Variants in ERBB4 observed in about 807,000 individuals in gnomAD.
The protein encoded by ERBB4 is erb-b2 receptor tyrosine kinase 4, also known as receptor tyrosine-protein kinase erbB-4.
In ERBB4, 42 loss-of-function variants were observed where a neutral mutation model predicts 158.0. The ratio of observed to expected loss-of-function variants is 0.27; its 90% CI spans 0.21 to 0.34. The LOEUF (loss-of-function observed/expected upper bound fraction) is 0.34. ERBB4 is among the 10% of genes least tolerant of loss of function. ERBB4 has a pLI of 1.00. For missense variants in ERBB4, 1,333 were observed against 1,624.1 expected (o/e 0.82, Z 3.08); for synonymous variants, 583 against 558.7 (o/e 1.04, Z -0.61).
intron 1 of ERBB4, among the ~76,000 whole-genome samples, chr2:212,378,887 C>T (rs1574809285): frequency 6.6e-6 from 1 of 151,778 alleles, no homozygotes; most frequent in Non-Finnish European, 1.5e-5. Context: ...CTATTTAAAA[C>T]TGATGATTTT....
chr2:212,078,318 G>A (rs1407328129), intron 2 of ERBB4, among the ~76,000 whole-genome samples: 1 of 151,728 alleles, frequency 6.6e-6, no homozygotes, highest in African/African-American at 2.4e-5. Context: ...TAGTTTCAGA[G>A]ACTTTACGTA....
At chr2:211,706,440 G>A (rs1161697494) in intron 9 of ERBB4, among the ~76,000 whole-genome samples, 1 of 152,036 alleles carries the variant, frequency 6.6e-6, no homozygotes, top group African/African-American at 2.4e-5. Flanking sequence ...CTGGGGATTT[G>A]TGTCTGAATC....
intron 4 of ERBB4, among the ~76,000 whole-genome samples, chr2:211,773,620 AT>A (rs1191914195): frequency 1.7e-5 from 1 of 60,586 alleles, no homozygotes; most frequent in Admixed American, 1.4e-4. Context: ...ATATATATAT[AT>A]ATATATATAT....
intron 20 of ERBB4, among the ~76,000 whole-genome samples, chr2:211,555,563 A>G (rs2067215797): frequency 6.6e-6 from 1 of 152,230 alleles, no homozygotes; most frequent in African/African-American, 2.4e-5. Flanking sequence ...TTACAATACA[A>G]ATGAAAATAT....
intron 1 of ERBB4, among the ~76,000 whole-genome samples, chr2:212,499,499 T>C (rs1374493477): frequency 6.6e-6 from 1 of 152,084 alleles, no homozygotes; most frequent in Non-Finnish European, 1.5e-5. Context: ...AATAATTATT[T>C]AGAGACATGA....
In ERBB4 at chr2:212,313,452, G is replaced by GTA. The variant is rs541702078; in HGVS notation, c.83-188551_83-188550dup. ...CATGCCAAGTGTACAACTAATTCTG[G>GTA]TATATATATATAACTAACTCCAGTA... is the stretch of plus-strand genomic sequence containing the variant. On this transcript the variant is annotated intron_variant, in intron 1 of 27. Transcript: ENST00000342788. Among the ~76,000 whole-genome samples the GTA allele has an allele frequency of 2.1e-3, 318 of 150,324 alleles. 3 individuals are homozygous for GTA. The highest frequency in any genetic ancestry group is 6.2e-3 in the African/African-American group (254 of 41,190).
At chr2:211,755,332 C>T (rs1382668351) in intron 4 of ERBB4, among the ~76,000 whole-genome samples, 2 of 151,962 alleles carry the variant, frequency 1.3e-5, no homozygotes, top group African/African-American at 4.8e-5. Flanking sequence ...CAAAACCCGG[C>T]CTCTACAAAA....
At chr2:211,486,427 T>C (rs1289617533) in intron 20 of ERBB4, among the ~76,000 whole-genome samples, 1 of 152,152 alleles carries the variant, frequency 6.6e-6, no homozygotes, top group Non-Finnish European at 1.5e-5. Context: ...CTTAAAGTCA[T>C]GGTAAATATT....
intron 3 of ERBB4, among the ~76,000 whole-genome samples, chr2:211,936,229 T>TA (rs34640943): frequency 2.0e-3 from 301 of 147,998 alleles, no homozygotes; most frequent in African/African-American, 6.8e-3. Context: ...GACCGCCACT[T>TA]AAAAAAAAAA....
chr2:212,525,506 T>C (rs531052995), intron 1 of ERBB4, among the ~76,000 whole-genome samples: 1 of 152,090 alleles, frequency 6.6e-6, no homozygotes, highest in South Asian at 2.1e-4. Context: ...GATATATAAA[T>C]AACATTACAA....
At chr2:212,076,686 T>C (rs553762547) in intron 2 of ERBB4, among the ~76,000 whole-genome samples, 8 of 151,864 alleles carry the variant, frequency 5.3e-5, no homozygotes, top group African/African-American at 1.9e-4. Flanking sequence ...AGGAGTGAGG[T>C]CAAGAGTCAG....
intron 1 of ERBB4, among the ~76,000 whole-genome samples, chr2:212,520,029 T>C (rs911880192): frequency 3.3e-5 from 5 of 152,014 alleles, no homozygotes; most frequent in African/African-American, 9.6e-5. Flanking sequence ...CTGTATCCCA[T>C]AAATATGGAC....
intron 1 of ERBB4, among the ~76,000 whole-genome samples, chr2:212,147,654 A>G (rs945885711): frequency 1.3e-5 from 2 of 152,204 alleles, no homozygotes; most frequent in African/African-American, 4.8e-5. Context: ...AGAATTGAAT[A>G]AATTGAGGAT....
intron 1 of ERBB4, among the ~76,000 whole-genome samples, chr2:212,182,136 C>A (rs140889719): frequency 5.9e-5 from 9 of 151,820 alleles, no homozygotes; most frequent in Non-Finnish European, 1.0e-4. Flanking sequence ...TCACTACATG[C>A]CAGGAATGTT....
At chr2:212,190,364 G>A (rs563771342) in intron 1 of ERBB4, among the ~76,000 whole-genome samples, 5 of 152,128 alleles carry the variant, frequency 3.3e-5, no homozygotes, top group African/African-American at 4.8e-5. Flanking sequence ...GTGAAACCCC[G>A]TCTCTACTGA....
intron 1 of ERBB4, among the ~76,000 whole-genome samples, chr2:212,144,008 G>A (rs1253903553): frequency 2.0e-5 from 3 of 147,214 alleles, no homozygotes; most frequent in Admixed American, 6.8e-5. Flanking sequence ...GACAGAGTGA[G>A]ACTTCATCTC....
chr2:212,285,049 A>G (rs577089527), intron 1 of ERBB4, among the ~76,000 whole-genome samples: 3 of 152,246 alleles, frequency 2.0e-5, no homozygotes, highest in African/African-American at 7.2e-5. Flanking sequence ...GAATAAAAAC[A>G]AGATGTAAGA....
At chr2:211,805,604 T>A (rs538212952) in intron 3 of ERBB4, among the ~76,000 whole-genome samples, 1 of 152,216 alleles carries the variant, frequency 6.6e-6, no homozygotes, top group Non-Finnish European at 1.5e-5. Context: ...CAGCACTGTG[T>A]CTCTTTGCTT....
intron 1 of ERBB4, among the ~76,000 whole-genome samples, chr2:212,276,915 G>A (rs979115880): frequency 2.6e-5 from 4 of 151,798 alleles, no homozygotes; most frequent in African/African-American, 9.7e-5. Flanking sequence ...AGTGTTTAGT[G>A]TTCCCTAAAG....
Sources: gnomAD v4.1 joint callset for allele counts (sites outside exome capture counted in the v4.1 genomes callset) on GRCh38, gnomAD v4.1.1 for gene constraint, MANE v1.5 for transcripts, NCBI Gene and HGNC (gene_info 2026-07-23, HGNC 2026-07-21) for gene names.